The following BCKDHB variants were observed in gnomAD, a reference collection of about 807,000 sequenced individuals.
The protein encoded by BCKDHB is branched chain keto acid dehydrogenase E1 subunit beta, also known as 2-oxoisovalerate dehydrogenase subunit beta, mitochondrial.
Under a neutral mutation model 48.5 loss-of-function variants are expected in BCKDHB, and 41 were observed. The ratio of observed to expected loss-of-function variants is 0.85; its 90% confidence interval spans 0.66 to 1.10. The LOEUF (loss-of-function observed/expected upper bound fraction) is 1.10. BCKDHB is among the 50% of genes least tolerant of loss of function. BCKDHB has a pLI of 0.00. For synonymous variants in BCKDHB, 201 were observed against 174.8 expected (o/e 1.15, Z -1.18); for missense variants, 496 against 494.2 (o/e 1.00, Z -0.03).
At chr6:80,269,687 C>G (rs1206592737) in intron 8 of BCKDHB, among the ~76,000 whole-genome samples, 1 of 151,980 alleles carries the variant, frequency 6.6e-6, no homozygotes, top group Non-Finnish European at 1.5e-5. Flanking sequence ...TGTTTAAACA[C>G]TTTTAATTTG....
At chr6:80,381,904 TG>T in the BCKDHB span, among the ~76,000 whole-genome samples, 1 of 12,414 alleles carries the variant, frequency 8.1e-5, no homozygotes, top group Non-Finnish European at 3.6e-3. Flanking sequence ...TCCTAAAACC[TG>T]ATTAAAACCT....
intron 8 of BCKDHB, among the ~76,000 whole-genome samples, chr6:80,256,775 G>T (rs1777070117): frequency 1.3e-5 from 2 of 152,186 alleles, no homozygotes; most frequent in Admixed American, 1.3e-4. Flanking sequence ...TCTTATGTTG[G>T]CTTAGCTGTT....
the BCKDHB span, among the ~76,000 whole-genome samples, chr6:80,463,599 T>C: frequency 2.7e-3 from 408 of 152,234 alleles, 3 homozygotes; most frequent in African/African-American, 9.3e-3. Flanking sequence ...CTTTTTTTTT[T>C]CCAAAATTTG....
chr6:80,376,981 A>T, the BCKDHB span, among the ~76,000 whole-genome samples: 1 of 151,316 alleles, frequency 6.6e-6, no homozygotes, highest in Non-Finnish European at 1.5e-5. Flanking sequence ...GTATTTTCTT[A>T]TTCTGTGGAT....
intron 9 of BCKDHB, among the ~76,000 whole-genome samples, chr6:80,284,067 A>G (rs777265255): frequency 2.0e-5 from 3 of 152,026 alleles, no homozygotes; most frequent in Non-Finnish European, 2.9e-5. Flanking sequence ...TTTGTAGGCA[A>G]TAATGTTGGT....
the BCKDHB span, among the ~76,000 whole-genome samples, chr6:80,435,561 A>C: frequency 6.6e-6 from 1 of 152,232 alleles, no homozygotes; most frequent in African/African-American, 2.4e-5. Context: ...GTAGATTGTG[A>C]AAATTACCAC....
At chr6:80,330,378 C>T (rs923291324) in intron 9 of BCKDHB, among the ~76,000 whole-genome samples, 3 of 152,104 alleles carry the variant, frequency 2.0e-5, no homozygotes, top group Admixed American at 6.5e-5. Flanking sequence ...CTCATTAATA[C>T]TCCAGGATGA....
intron 1 of BCKDHB, among the ~76,000 whole-genome samples, chr6:80,110,345 C>T (rs1395182337): frequency 6.6e-6 from 1 of 152,188 alleles, no homozygotes; most frequent in Non-Finnish European, 1.5e-5. Flanking sequence ...TCTGAACCTT[C>T]GTTTTGGACA....
intron 8 of BCKDHB, among the ~76,000 whole-genome samples, chr6:80,222,442 C>T (rs1269481156): frequency 6.6e-6 from 1 of 152,146 alleles, no homozygotes; most frequent in African/African-American, 2.4e-5. Context: ...TATGCCCCTC[C>T]TGATTGACAG....
In BCKDHB at chr6:80,166,030, T is replaced by C. The variant is rs140143799; in HGVS notation, c.344-1648T>C. On this transcript the variant is annotated intron_variant, in intron 3 of 9. Transcript: ENST00000320393. The stretch of plus-strand genomic sequence containing the variant: ...CTATTTGTTTGAATTTTAGCTGTCC[T>C]GACTCATAGACTGGGGAGTCCTTTT... Among the ~76,000 whole-genome samples, 265 of 152,324 alleles carry C rather than the reference T, an allele frequency of 1.7e-3. 1 individual carries two copies. The highest frequency in any genetic ancestry group is 6.0e-3 in the African/African-American group (251 of 41,582).
chr6:80,453,320 C>T, the BCKDHB span: 2 of 152,126 alleles, frequency 1.3e-5, no homozygotes, highest in African/African-American at 4.8e-5. Flanking sequence ...TCACTTCTCA[C>T]ATTTCATAGT....
At chr6:80,443,359 G>C in the BCKDHB span, 1 of 152,108 alleles carries the variant, frequency 6.6e-6, no homozygotes, top group Admixed American at 6.6e-5. Context: ...TTTGTGTCTT[G>C]ATAAAGTAGG....
intron 6 of BCKDHB, among the ~76,000 whole-genome samples, chr6:80,180,694 G>A (rs1036721135): frequency 6.6e-6 from 1 of 152,100 alleles, no homozygotes; most frequent in Non-Finnish European, 1.5e-5. Flanking sequence ...AATTGTGTAT[G>A]AATTCATATA....
At chr6:80,140,202 G>T (rs1771118934) in intron 3 of BCKDHB, among the ~76,000 whole-genome samples, 1 of 152,132 alleles carries the variant, frequency 6.6e-6, no homozygotes, top group Non-Finnish European at 1.5e-5. Flanking sequence ...AGGAGATTTT[G>T]GGCTGAGACA....
At chr6:80,278,722 C>A (rs533506772) in intron 9 of BCKDHB, among the ~76,000 whole-genome samples, 4 of 152,250 alleles carry the variant, frequency 2.6e-5, no homozygotes, top group Admixed American at 2.6e-4. Flanking sequence ...CCCTGCCCAG[C>A]TAATGTTTGT....
chr6:80,353,860 A>C, the BCKDHB span, among the ~76,000 whole-genome samples: 31,195 of 152,116 alleles, frequency 0.21, 3,714 homozygotes, highest in South Asian at 0.37. Flanking sequence ...CTCAAAAAAA[A>C]AATAAAAAGT....
At chr6:80,390,769 T>C in the BCKDHB span, among the ~76,000 whole-genome samples, 12 of 152,292 alleles carry the variant, frequency 7.9e-5, no homozygotes, top group South Asian at 2.1e-4. Context: ...GGACTTATGA[T>C]GGTTAATACT....
At chr6:80,166,190 A>G (rs540167617) in intron 3 of BCKDHB, among the ~76,000 whole-genome samples, 5 of 152,284 alleles carry the variant, frequency 3.3e-5, no homozygotes, top group East Asian at 3.9e-4. Flanking sequence ...CCCAGAGTTT[A>G]TAATCATTAA....
the BCKDHB span, among the ~76,000 whole-genome samples, chr6:80,409,829 A>C: frequency 6.6e-6 from 1 of 151,316 alleles, no homozygotes; most frequent in Non-Finnish European, 1.5e-5. Context: ...CTGCACATGA[A>C]ATGGGTCTCC....
Sources: gnomAD v4.1 joint callset for allele counts (sites outside exome capture counted in the v4.1 genomes callset) on GRCh38, gnomAD v4.1.1 for gene constraint, MANE v1.5 for transcripts, NCBI Gene and HGNC (gene_info 2026-07-23, HGNC 2026-07-21) for gene names.